The following CRYL1 variants were observed in gnomAD, a reference collection of about 807,000 sequenced individuals.
The protein encoded by CRYL1 is crystallin lambda 1.
Under a neutral mutation model 36.6 loss-of-function variants are expected in CRYL1, and 29 were observed. That is an observed-to-expected ratio of 0.79 (90% CI 0.59 to 1.08). The LOEUF (loss-of-function observed/expected upper bound fraction) is 1.08, where lower values mean the gene tolerates loss of function less well. CRYL1 is among the 50% of genes least tolerant of loss of function. The pLI is 0.00. For missense variants in CRYL1, 411 were observed against 407.9 expected (o/e 1.01, Z -0.06); for synonymous variants, 152 against 151.5 (o/e 1.00, Z -0.02).
chr13:20,514,443 T>C lies in CRYL1; in HGVS notation c.42-1893A>G, dbSNP rs1021706107. 3.9e-5 allele frequency among the ~76,000 whole-genome samples: 6 copies of C among 152,332 alleles called. 1 individual carries two copies. Among genetic ancestry groups the C allele is most frequent in the Admixed American group, 1.3e-4 (2 of 15,304 alleles). ...AGGGACATTCTACAAACTACTTGAC[T>C]GGTGCTCCTCAAAACTGTTAGGGTC... On this transcript the variant is annotated intron_variant, in intron 1 of 7. Coordinates refer to ENST00000298248, the MANE Select transcript of CRYL1 (RefSeq NM_015974.3).
Position 20,432,257 on chromosome 13 carries a change from G to A in CRYL1, c.478C>T (p.Pro160Ser), listed in dbSNP as rs201814612. Reference protein sequence around the residue: ...PYYIPLVELVPHPETAPTTVD... With the variant: ...PYYIPLVELVSHPETAPTTVD... ...GTCGTAGGGGCCGTCTCCGGGTGGG[G>A]GACCAGCTCAACCAGCGGGATGTAG... Residue 160 changes from proline (P) to serine (S), a missense_variant, in exon 5 of 8, where the codon CCC (proline) becomes TCC (serine). Pro to Ser is a moderately conservative substitution (Grantham distance 74). Transcript: ENST00000298248. 334 of 1,613,522 alleles carry A rather than the reference G, an allele frequency of 2.1e-4. 3 individuals are homozygous for A. In the South Asian group the frequency reaches 3.4e-3, roughly 16 times the overall value.
intron 1 of CRYL1, among the ~76,000 whole-genome samples, chr13:20,513,233 G>A (rs1450561726): frequency 6.6e-6 from 1 of 152,174 alleles, no homozygotes; most frequent in Non-Finnish European, 1.5e-5. Context: ...CTCACACGCT[G>A]AATAAAATAT....
chr13:20,489,311 A>G, intron 3 of CRYL1, 59 bp downstream of exon 3: 8 of 1,601,950 alleles, frequency 5.0e-6, no homozygotes, highest in Non-Finnish European at 6.8e-6. Flanking sequence ...GTTCCTCCGG[A>G]GAGGCTGGGA....
rs2031914153 is a variant in CRYL1, at chr13:20,425,529, T to C, written c.633+6573A>G. On this transcript the variant is annotated intron_variant, in intron 5 of 7. Coordinates refer to ENST00000298248, the MANE Select transcript of CRYL1 (RefSeq NM_015974.3). The surrounding 1 kb of genome is among the most constrained non-coding windows in gnomAD (Gnocchi z 4.4). ...ATGGCTTCCTGCTCAGAAAATGAAA[T>C]ATGTGAGATGGCACCTTCCTGGGTA... Among the ~76,000 whole-genome samples the C allele has an allele frequency of 6.6e-6, 1 of 152,074 alleles. No homozygotes were observed. Among genetic ancestry groups the C allele is most frequent in the African/African-American group, 2.4e-5 (1 of 41,390 alleles).
At chr13:20,491,345 C>A (rs188617888) in intron 2 of CRYL1, among the ~76,000 whole-genome samples, 1 of 152,100 alleles carries the variant, frequency 6.6e-6, no homozygotes. Flanking sequence ...TTATTTTGGA[C>A]AATTATAAGG....
At chr13:20,404,274 T>A in intron 7 of CRYL1, 32 bp from the exon 8 acceptor site, 1 of 1,380,462 alleles carries the variant, frequency 7.2e-7, no homozygotes, top group Non-Finnish European at 1.0e-6. Context: ...AAAAGGACAA[T>A]AAAGAGGAAA....
At chr13:20,475,412 T>C (rs1474514461) in intron 3 of CRYL1, among the ~76,000 whole-genome samples, 3 of 152,210 alleles carry the variant, frequency 2.0e-5, no homozygotes, top group African/African-American at 7.2e-5. Context: ...TCCTGCCTCA[T>C]GCCAGGCACT....
chr13:20,428,512 T>C (rs897557711), intron 5 of CRYL1, among the ~76,000 whole-genome samples: 1 of 152,196 alleles, frequency 6.6e-6, no homozygotes, highest in African/African-American at 2.4e-5. Flanking sequence ...CATAACCAGG[T>C]TGAATCCAGC....
At chr13:20,514,000 G>C (rs1308410444) in intron 1 of CRYL1, among the ~76,000 whole-genome samples, 1 of 150,630 alleles carries the variant, frequency 6.6e-6, no homozygotes, top group East Asian at 1.9e-4. Flanking sequence ...GCTGGAACTT[G>C]AGCCACAAAA....
At chr13:20,507,824 A>C (rs912885266) in intron 2 of CRYL1, among the ~76,000 whole-genome samples, 1 of 151,542 alleles carries the variant, frequency 6.6e-6, no homozygotes, top group African/African-American at 2.4e-5. Context: ...AGGCTGAGGC[A>C]GGAGAATGGC....
At position 20,415,906 on chromosome 13, in the gene CRYL1, G is replaced by A. The variant is rs1184256889; in HGVS notation, c.634-2519C>T. Among the ~76,000 whole-genome samples the A allele has an allele frequency of 6.6e-6, 1 of 152,224 alleles. No individual in the cohort carries two copies. The highest frequency in any genetic ancestry group is 2.4e-5 in the African/African-American group (1 of 41,474). On this transcript the variant is annotated intron_variant, in intron 5 of 7. Coordinates refer to ENST00000298248, the MANE Select transcript of CRYL1 (RefSeq NM_015974.3). The surrounding 1 kb of genome is among the most constrained non-coding windows in gnomAD (Gnocchi z 4.1). ...TGTTTCTCAGATTCACCTGCGTCAT[G>A]TGTCCATCTCCTTGATGCAGAGATA... is the stretch of plus-strand genomic sequence containing the variant.
chr13:20,520,894 A>AG (rs1290506213), intron 1 of CRYL1, among the ~76,000 whole-genome samples: 1 of 152,128 alleles, frequency 6.6e-6, no homozygotes, highest in East Asian at 1.9e-4. Flanking sequence ...TAACGAGGTC[A>AG]GGAGATCGAG....
intron 3 of CRYL1, among the ~76,000 whole-genome samples, chr13:20,454,538 C>T (rs778227953): frequency 2.0e-5 from 3 of 151,646 alleles, no homozygotes; most frequent in Non-Finnish European, 2.9e-5. Flanking sequence ...CTGCCTCAGC[C>T]TCCTGAGTAG....
chr13:20,458,975 C>A (rs978114924), intron 3 of CRYL1, among the ~76,000 whole-genome samples: 154 of 152,310 alleles, frequency 1.0e-3, no homozygotes, highest in African/African-American at 3.6e-3. Context: ...AGCCACCACG[C>A]CTGTAATCCC....
intron 6 of CRYL1, among the ~76,000 whole-genome samples, chr13:20,410,904 C>T (rs2031506315): frequency 2.0e-5 from 3 of 152,218 alleles, no homozygotes; most frequent in African/African-American, 7.2e-5. Context: ...GCTGGCTCCA[C>T]AGGCCAGAAC....
rs375294912 is a variant in CRYL1, at chr13:20,525,843, G to A, written c.-49C>T. The A allele has an allele frequency of 2.0e-3, 2,450 of 1,207,732 alleles. 109 individuals carry two copies. In the South Asian group the frequency reaches 0.076, roughly 37 times the overall value. The allele number at this position is 1,207,732 out of a possible 1,614,324, so 74.8% of individuals were successfully genotyped here. A position where few individuals can be genotyped will look rare whatever the true frequency, so the allele number is the denominator to read the frequency against. ...GCGGGCGCTGGGACCAGGCGCCGGC[G>A]GAGCTGCGAGCTCTGGGCTCCGGGG... On this transcript the variant is annotated 5_prime_UTR_variant, in exon 1 of 8. Transcript: ENST00000298248. The surrounding 1 kb of genome is among the most constrained non-coding windows in gnomAD (Gnocchi z 4.3).
At chr13:20,430,393 C>T in intron 5 of CRYL1, 1 of 985,374 alleles carries the variant, frequency 1.0e-6, no homozygotes, top group South Asian at 4.7e-5. Flanking sequence ...GCTTCACTTT[C>T]TCAGGAGGTA....
intron 3 of CRYL1, among the ~76,000 whole-genome samples, chr13:20,471,592 G>A (rs555516546): frequency 2.6e-5 from 4 of 151,730 alleles, no homozygotes; most frequent in Admixed American, 2.0e-4. Context: ...GCGACAGAGC[G>A]AGACTCTGTC....
intron 4 of CRYL1, among the ~76,000 whole-genome samples, chr13:20,434,335 T>G (rs1327252074): frequency 6.6e-6 from 1 of 151,830 alleles, no homozygotes; most frequent in Non-Finnish European, 1.5e-5. Flanking sequence ...AATACACCAA[T>G]CAGCACTCTG....
Sources: allele counts gnomAD v4.1 joint callset (sites outside exome capture counted in the v4.1 genomes callset), GRCh38; gene constraint gnomAD v4.1.1; non-coding constraint Gnocchi (gnomAD v3.1); transcripts MANE v1.5; gene names NCBI Gene and HGNC (gene_info 2026-07-23, HGNC 2026-07-21).